The following ROBO2 variants were observed in gnomAD, a reference collection of about 807,000 sequenced individuals.
The protein encoded by ROBO2 is roundabout homolog 2.
In ROBO2, 53 loss-of-function variants were observed where a neutral mutation model predicts 160.8. The observed-to-expected ratio is 0.33, with a 90% CI of 0.26 to 0.41. The LOEUF (loss-of-function observed/expected upper bound fraction) is 0.41, where lower values mean the gene tolerates loss of function less well. Ranked by LOEUF, ROBO2 falls within the 10% of genes least tolerant of loss-of-function variation. The pLI, the probability that ROBO2 is intolerant of heterozygous loss-of-function variation, is 1.00. For missense variants in ROBO2, 1,577 were observed against 1,722.4 expected (o/e 0.92, Z 1.49); for synonymous variants, 664 against 611.7 (o/e 1.09, Z -1.26).
chr3:77,182,151 C>T (rs1441463386), intron 2 of ROBO2, among the ~76,000 whole-genome samples: 3 of 151,998 alleles, frequency 2.0e-5, no homozygotes, highest in Non-Finnish European at 4.4e-5. Flanking sequence ...CCATGATTAA[C>T]AAGACTAATT....
chr3:76,790,623 C>T (rs1425978507), intron 2 of ROBO2, among the ~76,000 whole-genome samples: 1 of 151,710 alleles, frequency 6.6e-6, no homozygotes, highest in Non-Finnish European at 1.5e-5. Context: ...AATTATCTAA[C>T]ACGAAGCTTA....
chr3:76,654,491 C>T (rs1364825969), intron 2 of ROBO2, among the ~76,000 whole-genome samples: 1 of 152,096 alleles, frequency 6.6e-6, no homozygotes, highest in East Asian at 1.9e-4. Context: ...AATAAATGCT[C>T]TCAGACACAC....
intron 2 of ROBO2, among the ~76,000 whole-genome samples, chr3:76,439,921 T>C (rs2076847981): frequency 6.6e-6 from 1 of 152,122 alleles, no homozygotes; most frequent in Non-Finnish European, 1.5e-5. Context: ...CCGGTATCCA[T>C]GCCCTTGTAT....
At chr3:76,715,178 T>G (rs2093359700) in intron 2 of ROBO2, among the ~76,000 whole-genome samples, 1 of 152,124 alleles carries the variant, frequency 6.6e-6, no homozygotes. Context: ...CAAACCCACA[T>G]TAATAGGTGT....
chr3:77,178,503 A>T (rs2150814247), intron 2 of ROBO2, among the ~76,000 whole-genome samples: 1 of 152,152 alleles, frequency 6.6e-6, no homozygotes, highest in South Asian at 2.1e-4. Context: ...TCGCGAATAG[A>T]TTTCAGTGCT....
intron 2 of ROBO2, among the ~76,000 whole-genome samples, chr3:76,765,506 A>ATT (rs2061530234): frequency 6.6e-6 from 1 of 151,650 alleles, no homozygotes; most frequent in Non-Finnish European, 1.5e-5. Context: ...AAAGGATGAT[A>ATT]GAAATGATGC....
chr3:77,008,646 C>T (rs548003999), intron 2 of ROBO2, among the ~76,000 whole-genome samples: 10 of 152,150 alleles, frequency 6.6e-5, no homozygotes, highest in East Asian at 1.9e-4. Flanking sequence ...GCAGCATATA[C>T]GTAGATAACA....
chr3:76,484,566 G>A (rs1312132369), intron 2 of ROBO2, among the ~76,000 whole-genome samples: 1 of 152,036 alleles, frequency 6.6e-6, no homozygotes, highest in Non-Finnish European at 1.5e-5. Flanking sequence ...TGAAATTAGT[G>A]AATTTTTATT....
intron 2 of ROBO2, among the ~76,000 whole-genome samples, chr3:77,248,275 G>T (rs564768569): frequency 6.6e-6 from 1 of 152,238 alleles, no homozygotes; most frequent in Admixed American, 6.5e-5. Flanking sequence ...TCTCCAGTTA[G>T]TTCATGCAAC....
intron 2 of ROBO2, among the ~76,000 whole-genome samples, chr3:77,274,846 C>T (rs1407204276): frequency 6.6e-6 from 1 of 151,998 alleles, no homozygotes; most frequent in African/African-American, 2.4e-5. Context: ...AGTCCATGAA[C>T]ACCAGACAGT....
chr3:76,480,056 A>C (rs1365430621), intron 2 of ROBO2, among the ~76,000 whole-genome samples: 1 of 151,898 alleles, frequency 6.6e-6, no homozygotes, highest in East Asian at 1.9e-4. Flanking sequence ...GATGAGGAGG[A>C]GCTGAAAAAG....
exon 23 of ROBO2, chr3:77,622,287 T>C (rs370713999): frequency 2.5e-6 from 4 of 1,614,104 alleles, no homozygotes; most frequent in Non-Finnish European, 3.4e-6. Context: ...GTTATGTGTC[T>C]GGAGCCTTGA....
chr3:76,687,494 G>T (rs1308523609), intron 2 of ROBO2, among the ~76,000 whole-genome samples: 1 of 151,876 alleles, frequency 6.6e-6, no homozygotes, highest in Non-Finnish European at 1.5e-5. Context: ...TGATCAAAAA[G>T]AAAGATTTTA....
chr3:76,938,185 G>A (rs1245019726), intron 2 of ROBO2, among the ~76,000 whole-genome samples: 1 of 151,996 alleles, frequency 6.6e-6, no homozygotes, highest in Non-Finnish European at 1.5e-5. Context: ...GGTGAAACCC[G>A]TCTCTACTGA....
chr3:77,439,915 ACATTTT>A (rs1358432056), intron 2 of ROBO2, among the ~76,000 whole-genome samples: 5 of 152,174 alleles, frequency 3.3e-5, no homozygotes, highest in African/African-American at 1.2e-4. Flanking sequence ...TAAGTTAAAC[ACATTTT>A]GGCCTGTTAC....
intron 21 of ROBO2, among the ~76,000 whole-genome samples, chr3:77,613,343 T>C (rs1039763234): frequency 2.0e-5 from 3 of 152,292 alleles, no homozygotes; most frequent in African/African-American, 7.2e-5. Context: ...TTTGAAAAAT[T>C]GAATATGTGA....
intron 2 of ROBO2, among the ~76,000 whole-genome samples, chr3:76,623,052 C>A (rs1366140221): frequency 6.7e-6 from 1 of 148,812 alleles, no homozygotes; most frequent in Non-Finnish European, 1.5e-5. Context: ...AGTGAAGCAT[C>A]AATGCATGTA....
chr3:76,600,121 T>C lies in ROBO2; in HGVS notation c.110-497893T>C, dbSNP rs144633678. Among the ~76,000 whole-genome samples, 71 of 152,306 alleles carry C rather than the reference T, an allele frequency of 4.7e-4. 1 individual carries two copies. Among genetic ancestry groups the C allele is most frequent in the Middle Eastern group, 3.4e-3 (1 of 294 alleles). The stretch of plus-strand genomic sequence containing the variant: ...TCTTCATCATTAAATATTTGCCCAT[T>C]CCTATGTACAGAATGGTATTGCCTA... On this transcript the variant is annotated intron_variant, in intron 2 of 26. Transcript: ENST00000487694.
chr3:76,936,992 T>C (rs1184652037), intron 2 of ROBO2, among the ~76,000 whole-genome samples: 1 of 150,314 alleles, frequency 6.7e-6, no homozygotes, highest in African/African-American at 2.5e-5. Flanking sequence ...TTTTATGTAG[T>C]GTTCATTGAT....
Sources: gnomAD v4.1 joint callset for allele counts (sites outside exome capture counted in the v4.1 genomes callset) on GRCh38, gnomAD v4.1.1 for gene constraint, MANE v1.5 for transcripts, NCBI Gene and HGNC (gene_info 2026-07-23, HGNC 2026-07-21) for gene names.